Variants in GPR27 observed in about 807,000 individuals in gnomAD.
GPR27 encodes probable G protein-coupled receptor 27.
A neutral mutation model predicts 2.4 loss-of-function variants in GPR27; 3 were observed. The observed-to-expected ratio is 1.23, with a 90% CI of 0.56 to 3.18. The LOEUF (loss-of-function observed/expected upper bound fraction) is 3.18. GPR27 is among the 30% of genes most tolerant of loss of function. The pLI is 0.03. For synonymous variants in GPR27, 367 were observed against 296.4 expected, an observed-to-expected ratio of 1.24 and a Z score of -2.45; for missense variants, 526 against 566.1, an observed-to-expected ratio of 0.93 and a Z score of 0.72.
In GPR27 at chr3:71,755,534, GGCCAGTTTTCT is replaced by G. The variant is rs1345762571; in HGVS notation, c.*358_*368del. ...TCATGCAACGTTTCCTAAAGACCATGGCCAGTTTTCTACAGAAGCTATTTTTGACAACCTCA... is the reference window on the plus strand; with the variant it reads ...TCATGCAACGTTTCCTAAAGACCATGACAGAAGCTATTTTTGACAACCTCA... On this transcript the variant is annotated 3_prime_UTR_variant, in exon 1 of 1. Coordinates refer to ENST00000304411, the MANE Select transcript of GPR27 (RefSeq NM_018971.3). The G allele has an allele frequency of 1.4e-5, 3 of 210,728 alleles. No individual in the cohort carries two copies. Among genetic ancestry groups the G allele is most frequent in the Non-Finnish European group, 2.8e-5 (3 of 106,322 alleles). The allele number at this position is 210,728 out of a possible 1,614,324, so 13.1% of individuals were successfully genotyped here.
chr3:71,756,347 A>G lies in GPR27; in HGVS notation c.*1170A>G, dbSNP rs1273114365. 2 of 152,244 alleles carry G rather than the reference A, an allele frequency of 1.3e-5. No individual in the cohort carries two copies. The highest frequency in any genetic ancestry group is 4.8e-5 in the African/African-American group (2 of 41,462). 9.4% of individuals were successfully genotyped at this position (152,244 alleles called of 1,614,324 possible). A position where few individuals can be genotyped will look rare whatever the true frequency, so the allele number is the denominator to read the frequency against. On this transcript the variant is annotated 3_prime_UTR_variant, in exon 1 of 1. Transcript: ENST00000304411. ...ATAATATTTCTTTGTTAGACATTAT[A>G]ATGTTAAACTGAAAGACTAAATTCT...
chr3:71,755,152 G>A lies in GPR27; in HGVS notation c.1103G>A (p.Cys368Tyr), dbSNP rs1056588373. 3 of 1,606,110 alleles carry A rather than the reference G, an allele frequency of 1.9e-6. No individual in the cohort carries two copies. The highest frequency in any genetic ancestry group is 2.5e-6 in the Non-Finnish European group (3 of 1,178,896). ...SPRTTQATHP[C>Y]DLKGIGL ...CGGACCACCCAGGCGACCCATCCCT[G>A]CGACCTGAAAGGCATTGGTTTATGA... is the stretch of plus-strand genomic sequence containing the variant. The change falls in exon 1 of 1, where the codon TGC becomes TAC. Residue 368 changes from cysteine to tyrosine, a missense_variant. By Grantham distance (194) the Cys-to-Tyr change is radical. Coordinates refer to ENST00000304411, the MANE Select transcript of GPR27 (RefSeq NM_018971.3).
Position 71,755,078 on chromosome 3 carries a change from G to A in GPR27, c.1029G>A (p.Arg343=). The change falls in exon 1 of 1, where the codon AGG becomes AGA. Residue 343 remains arginine (R), a synonymous_variant. Coordinates refer to ENST00000304411, the MANE Select transcript of GPR27 (RefSeq NM_018971.3). The part of the protein sequence containing the change: ...INPVVCFLFN[R]ELRDCFRAQF... ...CCGTCGTGTGCTTCCTCTTCAACAG[G>A]GAGCTGAGGGACTGCTTCAGGGCCC... 2 of 1,611,234 alleles carry A rather than the reference G, an allele frequency of 1.2e-6. No homozygotes were observed. Among genetic ancestry groups the A allele is most frequent in the Non-Finnish European group, 8.5e-7 (1 of 1,179,966 alleles).
rs754666812 is a variant in GPR27, at chr3:71,755,450, C to G, written c.*273C>G. On this transcript the variant is annotated 3_prime_UTR_variant, in exon 1 of 1. Coordinates refer to ENST00000304411, the MANE Select transcript of GPR27 (RefSeq NM_018971.3). The stretch of plus-strand genomic sequence containing the variant: ...AGTCTTTTTGTAGCGGTACTGACGT[C>G]TTTTATTCCATGTGTGGTTCCTTTT... The G allele has an allele frequency of 4.4e-5, 19 of 430,964 alleles. No individual in the cohort carries two copies. The highest frequency in any genetic ancestry group is 7.0e-5 in the Non-Finnish European group (17 of 243,274). The allele number at this position is 430,964 out of a possible 1,614,324, so 26.7% of individuals were successfully genotyped here.
In GPR27 at chr3:71,754,696, C is replaced by T. The variant is rs1370221173; in HGVS notation, c.647C>T (p.Pro216Leu). 1 of 1,493,908 alleles carries T rather than the reference C, an allele frequency of 6.7e-7. No homozygotes were observed. Among genetic ancestry groups the T allele is most frequent in the Non-Finnish European group, 8.9e-7 (1 of 1,127,360 alleles). 92.5% of individuals were successfully genotyped at this position (1,493,908 alleles called of 1,614,324 possible). Residue 216 changes from proline (P) to leucine (L), a missense_variant, in exon 1 of 1, where the codon CCC becomes CTC. This residue lies in a region of GPR27 where 98 missense variants were observed against 146.7 expected (regional missense o/e 0.67). Transcript: ENST00000304411. This position sits in a 1 kb window ranked among gnomAD's most constrained non-coding sequence, Gnocchi z 5.8. Reference protein sequence around the residue: ...FFIHDRRKMRPARLVPAVSHD... With the variant: ...FFIHDRRKMRLARLVPAVSHD... ...ATCCACGACCGCCGCAAGATGCGGCCCGCGCGCCTGGTGCCCGCCGTCAGC... is the reference window on the plus strand; with the variant it reads ...ATCCACGACCGCCGCAAGATGCGGCTCGCGCGCCTGGTGCCCGCCGTCAGC...
Position 71,754,556 on chromosome 3 carries a change from G to T in GPR27, c.507G>T (p.Ala169=), listed in dbSNP as rs1298013582. 20 of 1,371,032 alleles carry T rather than the reference G, an allele frequency of 1.5e-5. No homozygotes were observed. Among genetic ancestry groups the T allele is most frequent in the Middle Eastern group, 2.6e-4 (1 of 3,790 alleles). The allele number at this position is 1,371,032 out of a possible 1,614,324, so 84.9% of individuals were successfully genotyped here. ...VLDGGGDDED[A]PCALEQRPDG... ...ACGGCGGTGGCGACGACGAGGACGC[G>T]CCGTGCGCCCTGGAGCAGCGGCCCG... Residue 169 remains alanine, a synonymous_variant, in exon 1 of 1, where the codon GCG becomes GCT. Transcript: ENST00000304411. This position sits in a 1 kb window ranked among gnomAD's most constrained non-coding sequence, Gnocchi z 5.8.
chr3:71,754,082 C>A lies in GPR27; in HGVS notation c.33C>A (p.Gly11=). ...ACGCGAGCGAGCCGGGTGGCAGCGG[C>A]GGCGGCGAGGCGGCCGCCCTGGGCC... MANASEPGGS[G]GGEAAALGLK... Residue 11 remains glycine, a synonymous_variant, in exon 1 of 1, where the codon GGC becomes GGA. Transcript: ENST00000304411. This position sits in a 1 kb window ranked among gnomAD's most constrained non-coding sequence, Gnocchi z 5.8. 7.5e-7 allele frequency: 1 copy of A among 1,324,788 alleles called. No individual in the cohort carries two copies. Among genetic ancestry groups the A allele is most frequent in the Non-Finnish European group, 9.7e-7 (1 of 1,025,652 alleles). 82.1% of individuals were successfully genotyped at this position (1,324,788 alleles called of 1,614,324 possible).
Position 71,755,199 on chromosome 3 carries a change from C to T in GPR27, c.*22C>T. The T allele has an allele frequency of 6.5e-7, 1 of 1,546,902 alleles. No individual in the cohort carries two copies. The highest frequency in any genetic ancestry group is 8.7e-7 in the Non-Finnish European group (1 of 1,143,816). ...ATGAGGGAGGCCCCGCCACATAGACCCCCAACCCAGCCTTTCCCTTTGGCT... is the reference window on the plus strand; with the variant it reads ...ATGAGGGAGGCCCCGCCACATAGACTCCCAACCCAGCCTTTCCCTTTGGCT... On this transcript the variant is annotated 3_prime_UTR_variant, in exon 1 of 1. Transcript: ENST00000304411.
At position 71,754,651 on chromosome 3, in the gene GPR27, A is replaced by G. The variant is rs2049983048; in HGVS notation, c.602A>G (p.Tyr201Cys). 1.3e-6 allele frequency: 2 copies of G among 1,496,580 alleles called. No individual in the cohort carries two copies. Among genetic ancestry groups the G allele is most frequent in the African/African-American group, 1.5e-5 (1 of 68,446 alleles). 92.7% of individuals were successfully genotyped at this position (1,496,580 alleles called of 1,614,324 possible). ...AVVVGATHLV[Y>C]LRLLFFIHDR... ...GTGGTGGGCGCCACGCACCTCGTCT[A>G]CCTCCGCCTGCTCTTCTTCATCCAC... Residue 201 changes from tyrosine to cysteine, a missense_variant, in exon 1 of 1, where the codon TAC becomes TGC. Physicochemically the swap from Tyr to Cys is radical, Grantham distance 194. Coordinates refer to ENST00000304411, the MANE Select transcript of GPR27 (RefSeq NM_018971.3). The surrounding 1 kb of genome is among the most constrained non-coding windows in gnomAD (Gnocchi z 5.8).
Position 71,754,044 on chromosome 3 carries a change from G to A in GPR27, c.-6G>A. The stretch of plus-strand genomic sequence containing the variant: ...GGGGCGGAGCGCACGGCCTGGTGAG[G>A]CCGCGATGGCGAACGCGAGCGAGCC... On this transcript the variant is annotated 5_prime_UTR_variant, in exon 1 of 1. Coordinates refer to ENST00000304411, the MANE Select transcript of GPR27 (RefSeq NM_018971.3). This position sits in a 1 kb window ranked among gnomAD's most constrained non-coding sequence, Gnocchi z 5.8. 8.9e-6 allele frequency: 11 copies of A among 1,239,862 alleles called. No individual in the cohort carries two copies. The highest frequency in any genetic ancestry group is 1.1e-5 in the Non-Finnish European group (11 of 980,456). The allele number at this position is 1,239,862 out of a possible 1,614,324, so 76.8% of individuals were successfully genotyped here.
chr3:71,754,366 G>C lies in GPR27; in HGVS notation c.317G>C (p.Cys106Ser). ...KLLAFLAALF[C>S]FHAAFLLLGV... is the part of the protein sequence containing the mutation. ...CTCGCCTTCCTGGCCGCGCTCTTCT[G>C]CTTCCACGCCGCCTTCCTGCTGCTG... Residue 106 changes from cysteine (C) to serine (S), a missense_variant, in exon 1 of 1, where the codon TGC becomes TCC. Coordinates refer to ENST00000304411, the MANE Select transcript of GPR27 (RefSeq NM_018971.3). The surrounding 1 kb of genome is among the most constrained non-coding windows in gnomAD (Gnocchi z 5.8). 1 of 1,328,284 alleles carries C rather than the reference G, an allele frequency of 7.5e-7. No individual in the cohort carries two copies. Among genetic ancestry groups the C allele is most frequent in the Non-Finnish European group, 9.7e-7 (1 of 1,029,484 alleles). The allele number at this position is 1,328,284 out of a possible 1,614,324, so 82.3% of individuals were successfully genotyped here.
Position 71,754,541 on chromosome 3 carries a change from C to G in GPR27, c.492C>G (p.Gly164=). Residue 164 remains glycine, a synonymous_variant, in exon 1 of 1, where the codon GGC becomes GGG. Coordinates refer to ENST00000304411, the MANE Select transcript of GPR27 (RefSeq NM_018971.3). This position sits in a 1 kb window ranked among gnomAD's most constrained non-coding sequence, Gnocchi z 5.8. ...AAFPPVLDGG[G]DDEDAPCALE... ...TCCCGCCAGTGCTGGACGGCGGTGG[C>G]GACGACGAGGACGCGCCGTGCGCCC... 1 of 1,346,896 alleles carries G rather than the reference C, an allele frequency of 7.4e-7. No homozygotes were observed. The highest frequency in any genetic ancestry group is 9.5e-7 in the Non-Finnish European group (1 of 1,048,580). 83.4% of individuals were successfully genotyped at this position (1,346,896 alleles called of 1,614,324 possible).
In GPR27 at chr3:71,755,191, A is replaced by C. The variant is rs754355056; in HGVS notation, c.*14A>C. 5.1e-6 allele frequency: 8 copies of C among 1,569,484 alleles called. No individual in the cohort carries two copies. The Admixed American group carries it at 1.4e-4, about 28-fold the overall frequency. On this transcript the variant is annotated 3_prime_UTR_variant, in exon 1 of 1. Transcript: ENST00000304411. Reference sequence around the variant, plus strand: ...ATTGGTTTATGAGGGAGGCCCCGCCACATAGACCCCCAACCCAGCCTTTCC... The same window carrying C: ...ATTGGTTTATGAGGGAGGCCCCGCCCCATAGACCCCCAACCCAGCCTTTCC...
In GPR27 at chr3:71,754,404, A is replaced by G; in HGVS notation, c.355A>G (p.Thr119Ala). The change falls in exon 1 of 1, where the codon ACC becomes GCC. Residue 119 changes from threonine to alanine, a missense_variant. Around this residue, in one of 3 missense-constraint regions of GPR27, gnomAD observed 312 missense variants for 318.4 expected, o/e 0.98. Transcript: ENST00000304411. The surrounding 1 kb of genome is among the most constrained non-coding windows in gnomAD (Gnocchi z 5.8). ...CTTCCTGCTGCTGGGCGTGGGCGTC[A>G]CCCGCTACCTGGCCATCGCGCACCA... is the stretch of plus-strand genomic sequence containing the variant. The part of the protein sequence containing the change: ...AAFLLLGVGV[T>A]RYLAIAHHRF... 1.5e-6 allele frequency: 2 copies of G among 1,345,180 alleles called. No individual in the cohort carries two copies. The highest frequency in any genetic ancestry group is 1.7e-5 in the South Asian group (1 of 58,040). 83.3% of individuals were successfully genotyped at this position (1,345,180 alleles called of 1,614,324 possible). A position where few individuals can be genotyped will look rare whatever the true frequency, so the allele number is the denominator to read the frequency against.
Position 71,755,071 on chromosome 3 carries a change from TCAA to T in GPR27, c.1025_1027del (p.Asn342del). On this transcript the variant is annotated inframe_deletion, in exon 1 of 1. Coordinates refer to ENST00000304411, the MANE Select transcript of GPR27 (RefSeq NM_018971.3). ...ATCAACCCCGTCGTGTGCTTCCTCTTCAACAGGGAGCTGAGGGACTGCTTCAGG... is the reference window on the plus strand; with the variant it reads ...ATCAACCCCGTCGTGTGCTTCCTCTTCAGGGAGCTGAGGGACTGCTTCAGG... The T allele has an allele frequency of 6.2e-7, 1 of 1,611,600 alleles. No individual in the cohort carries two copies. Among genetic ancestry groups the T allele is most frequent in the Non-Finnish European group, 8.5e-7 (1 of 1,179,978 alleles).
At position 71,754,141 on chromosome 3, in the gene GPR27, T is replaced by C; in HGVS notation, c.92T>C (p.Val31Ala). The change falls in exon 1 of 1, where the codon GTG becomes GCG. Residue 31 changes from valine (V) to alanine (A), a missense_variant. Physicochemically the swap from Val to Ala is moderately conservative, Grantham distance 64 (BLOSUM62 0). This residue lies in a region of GPR27 where 312 missense variants were observed against 318.4 expected (regional missense o/e 0.98). Coordinates refer to ENST00000304411, the MANE Select transcript of GPR27 (RefSeq NM_018971.3). The surrounding 1 kb of genome is among the most constrained non-coding windows in gnomAD (Gnocchi z 5.8). ...GCCACGCTCAGCCTGCTGCTGTGCG[T>C]GAGCCTAGCGGGCAACGTGCTGTTC... ...KLATLSLLLC[V>A]SLAGNVLFAL... is the part of the protein sequence containing the mutation. The C allele has an allele frequency of 6.9e-7, 1 of 1,456,042 alleles. No homozygotes were observed. Among genetic ancestry groups the C allele is most frequent in the Non-Finnish European group, 9.1e-7 (1 of 1,096,446 alleles). 90.2% of individuals were successfully genotyped at this position (1,456,042 alleles called of 1,614,324 possible).
In GPR27 at chr3:71,755,239, G is replaced by GT; in HGVS notation, c.*63dup. ...TCCCTTTGGCTCGGACGGTGACGTT[G>GT]TATCTTTTCCTTCTGGCCCCTGTTT... On this transcript the variant is annotated 3_prime_UTR_variant, in exon 1 of 1. Transcript: ENST00000304411. The GT allele has an allele frequency of 7.6e-7, 1 of 1,317,346 alleles. No individual in the cohort carries two copies. Among genetic ancestry groups the GT allele is most frequent in the Non-Finnish European group, 1.0e-6 (1 of 970,916 alleles). 81.6% of individuals were successfully genotyped at this position (1,317,346 alleles called of 1,614,324 possible). A position where few individuals can be genotyped will look rare whatever the true frequency, so the allele number is the denominator to read the frequency against.
At position 71,754,432 on chromosome 3, in the gene GPR27, G is replaced by A; in HGVS notation, c.383G>A (p.Arg128His). 7.4e-7 allele frequency: 1 copy of A among 1,347,188 alleles called. No individual in the cohort carries two copies. Among genetic ancestry groups the A allele is most frequent in the Non-Finnish European group, 9.6e-7 (1 of 1,041,914 alleles). The allele number at this position is 1,347,188 out of a possible 1,614,324, so 83.5% of individuals were successfully genotyped here. The change falls in exon 1 of 1, where the codon CGC becomes CAC. Residue 128 changes from arginine (R) to histidine (H), a missense_variant. By Grantham distance (29) the Arg-to-His change is conservative. Transcript: ENST00000304411. This position sits in a 1 kb window ranked among gnomAD's most constrained non-coding sequence, Gnocchi z 5.8. ...VTRYLAIAHH[R>H]FYAERLAGWP... Reference sequence around the variant, plus strand: ...CGCTACCTGGCCATCGCGCACCACCGCTTCTATGCAGAGCGCCTGGCCGGC... The same window carrying A: ...CGCTACCTGGCCATCGCGCACCACCACTTCTATGCAGAGCGCCTGGCCGGC...
chr3:71,755,377 G>A lies in GPR27; in HGVS notation c.*200G>A, dbSNP rs1393832428. 1.0e-5 allele frequency: 6 copies of A among 573,878 alleles called. No homozygotes were observed. Among genetic ancestry groups the A allele is most frequent in the South Asian group, 4.6e-5 (2 of 43,074 alleles). The allele number at this position is 573,878 out of a possible 1,614,324, so 35.5% of individuals were successfully genotyped here. A position where few individuals can be genotyped will look rare whatever the true frequency, so the allele number is the denominator to read the frequency against. The stretch of plus-strand genomic sequence containing the variant: ...AGGATGCTCAGCCCACTCCAGCTCC[G>A]CACATTCGTCCTCCTAACTCGACTT... On this transcript the variant is annotated 3_prime_UTR_variant, in exon 1 of 1. Transcript: ENST00000304411.
Sources: allele counts gnomAD v4.1 joint callset, GRCh38; gene constraint gnomAD v4.1.1; regional missense constraint gnomAD v4.1.1; non-coding constraint Gnocchi (gnomAD v3.1); transcripts MANE v1.5; gene names NCBI Gene and HGNC (gene_info 2026-07-23, HGNC 2026-07-21).